The following NEGR1 variants were observed in gnomAD, a reference collection of about 807,000 sequenced individuals.
NEGR1 encodes IgLON family member 4.
NEGR1 carries 10 observed loss-of-function variants against 40.9 expected under a neutral mutation model. The ratio of observed to expected loss-of-function variants is 0.24; its 90% CI spans 0.15 to 0.42. NEGR1 has a LOEUF of 0.42. Ranked by LOEUF, NEGR1 falls within the 10% of genes least tolerant of loss-of-function variation. NEGR1 has a pLI of 1.00. For missense variants in NEGR1, 352 were observed against 438.9 expected (o/e 0.80, Z 1.77); for synonymous variants, 185 against 166.8 (o/e 1.11, Z -0.84).
intron 6 of NEGR1, among the ~76,000 whole-genome samples, chr1:71,469,796 C>A (rs537741338): frequency 1.3e-5 from 2 of 152,156 alleles, no homozygotes; most frequent in South Asian, 4.1e-4. Context: ...GGTAGTATGT[C>A]TCTGAGAGGC....
At chr1:71,700,193 G>C (rs375615107) in intron 3 of NEGR1, among the ~76,000 whole-genome samples, 13 of 151,802 alleles carry the variant, frequency 8.6e-5, no homozygotes, top group African/African-American at 3.1e-4. Context: ...GGAACCATAT[G>C]CTTTCTTAAA....
At chr1:71,629,110 G>T (rs1299828263) in intron 4 of NEGR1, among the ~76,000 whole-genome samples, 1 of 151,990 alleles carries the variant, frequency 6.6e-6, no homozygotes, top group Non-Finnish European at 1.5e-5. Context: ...ATTCTAACTG[G>T]CATGAAATGG....
chr1:72,015,733 C>T (rs1646704216), intron 1 of NEGR1, among the ~76,000 whole-genome samples: 2 of 152,046 alleles, frequency 1.3e-5, no homozygotes, highest in African/African-American at 4.8e-5. Flanking sequence ...TTGGGAAAAG[C>T]TGAGGCAGGG....
At chr1:71,552,957 T>C (rs1381554169) in intron 6 of NEGR1, among the ~76,000 whole-genome samples, 1 of 151,554 alleles carries the variant, frequency 6.6e-6, no homozygotes, top group Non-Finnish European at 1.5e-5. Context: ...TAGGGACATA[T>C]AGAAACTTTT....
intron 1 of NEGR1, among the ~76,000 whole-genome samples, chr1:72,038,484 TA>T (rs1646924048): frequency 6.6e-6 from 1 of 152,006 alleles, no homozygotes; most frequent in Non-Finnish European, 1.5e-5. Flanking sequence ...CTGAGATACT[TA>T]CTGTGTTCTG....
chr1:72,107,230 C>A (rs375846162), intron 1 of NEGR1, among the ~76,000 whole-genome samples: 35 of 151,410 alleles, frequency 2.3e-4, no homozygotes, highest in African/African-American at 7.5e-4. Flanking sequence ...CACACTGAAC[C>A]CTTCTGAAAC....
intron 1 of NEGR1, among the ~76,000 whole-genome samples, chr1:72,011,773 T>C (rs529220430): frequency 2.0e-5 from 3 of 152,254 alleles, no homozygotes; most frequent in Non-Finnish European, 2.9e-5. Flanking sequence ...TGTCTAAGCA[T>C]AATCTTAAAC....
intron 1 of NEGR1, among the ~76,000 whole-genome samples, chr1:72,143,881 T>TA (rs1408132797): frequency 9.7e-6 from 1 of 103,530 alleles, no homozygotes; most frequent in Admixed American, 1.1e-4. Context: ...ATATCATATA[T>TA]TCATATATAT....
chr1:71,952,206 A>T (rs1334438760), intron 1 of NEGR1, among the ~76,000 whole-genome samples: 1 of 152,034 alleles, frequency 6.6e-6, no homozygotes, highest in Non-Finnish European at 1.5e-5. Flanking sequence ...GACAGGTTAA[A>T]AGTTAGGTTT....
chr1:71,760,559 A>T (rs1433319481), intron 3 of NEGR1, among the ~76,000 whole-genome samples: 2 of 152,232 alleles, frequency 1.3e-5, no homozygotes, highest in Non-Finnish European at 2.9e-5. Context: ...ATAATTATCC[A>T]TTATGTAAAG....
chr1:72,172,451 T>C (rs1267907224), intron 1 of NEGR1, among the ~76,000 whole-genome samples: 1 of 152,146 alleles, frequency 6.6e-6, no homozygotes. Context: ...AATGAGGACA[T>C]GATTGTCTTC....
intron 4 of NEGR1, among the ~76,000 whole-genome samples, chr1:71,689,315 TAA>T (rs1346567931): frequency 6.6e-6 from 1 of 152,134 alleles, no homozygotes; most frequent in Non-Finnish European, 1.5e-5. Flanking sequence ...CTATAAAACT[TAA>T]ATAACTATCA....
At chr1:71,724,320 T>C (rs972550520) in intron 3 of NEGR1, among the ~76,000 whole-genome samples, 3 of 152,154 alleles carry the variant, frequency 2.0e-5, no homozygotes, top group African/African-American at 7.2e-5. Flanking sequence ...TAGGGTCTTT[T>C]AAAAAATCAG....
intron 1 of NEGR1, among the ~76,000 whole-genome samples, chr1:72,157,140 C>T (rs529461479): frequency 1.3e-5 from 2 of 151,964 alleles, no homozygotes; most frequent in Admixed American, 6.6e-5. Context: ...GTTTTTGTTT[C>T]GTTTTGTTTT....
chr1:71,761,176 G>A (rs1245808953), intron 3 of NEGR1, among the ~76,000 whole-genome samples: 1 of 152,082 alleles, frequency 6.6e-6, no homozygotes, highest in Non-Finnish European at 1.5e-5. Context: ...TCTGATGCAG[G>A]AGTCAGCAAA....
rs546446729 is a variant in NEGR1, at chr1:72,133,555, A to G, written c.176+148764T>C. Among the ~76,000 whole-genome samples the G allele has an allele frequency of 1.2e-3, 181 of 152,140 alleles. 1 individual carries two copies. Among genetic ancestry groups the G allele is most frequent in the African/African-American group, 4.3e-3 (177 of 41,588 alleles). On this transcript the variant is annotated intron_variant, in intron 1 of 6. Coordinates refer to ENST00000357731, the MANE Select transcript of NEGR1 (RefSeq NM_173808.3). ...TGTACTATATAAGCTTTGATACTCA[A>G]TAGTAACTTGTTAATTAAAAAAGTG...
At chr1:72,169,770 C>G (rs1295429235) in intron 1 of NEGR1, among the ~76,000 whole-genome samples, 1 of 152,130 alleles carries the variant, frequency 6.6e-6, no homozygotes, top group African/African-American at 2.4e-5. Context: ...TCTGACACTT[C>G]CTAATGCTTG....
chr1:71,599,247 AC>A (rs1439048048), intron 5 of NEGR1, among the ~76,000 whole-genome samples: 1 of 152,204 alleles, frequency 6.6e-6, no homozygotes, highest in Non-Finnish European at 1.5e-5. Flanking sequence ...TTTTCCTAGA[AC>A]AGATACATTT....
At chr1:71,981,633 G>GAT (rs1646355117) in intron 1 of NEGR1, among the ~76,000 whole-genome samples, 1 of 152,132 alleles carries the variant, frequency 6.6e-6, no homozygotes, top group Admixed American at 6.6e-5. Context: ...CCTATCAGGT[G>GAT]ATAGGCTTTA....
Sources: gnomAD v4.1 joint callset for allele counts (sites outside exome capture counted in the v4.1 genomes callset) on GRCh38, gnomAD v4.1.1 for gene constraint, MANE v1.5 for transcripts, NCBI Gene and HGNC (gene_info 2026-07-23, HGNC 2026-07-21) for gene names.